C8orf34: variants seen among roughly 807,000 people sequenced by gnomAD.
The protein encoded by C8orf34 is uncharacterized protein C8orf34.
A neutral mutation model predicts 68.3 loss-of-function variants in C8orf34; 65 were observed. That is an observed-to-expected ratio of 0.95 (90% CI 0.78 to 1.17). The LOEUF is 1.17. Ranked by LOEUF, C8orf34 falls within the 50% of genes most tolerant of loss-of-function variation. The pLI is 0.00. For missense variants in C8orf34, 664 were observed against 655.4 expected, an observed-to-expected ratio of 1.01 and a Z score of -0.14; for synonymous variants, 244 against 241.2, an observed-to-expected ratio of 1.01 and a Z score of -0.11.
chr8:68,804,897 C>T (rs1288413038), intron 12 of C8orf34, among the ~76,000 whole-genome samples: 1 of 152,152 alleles, frequency 6.6e-6, no homozygotes, highest in Non-Finnish European at 1.5e-5. Flanking sequence ...CTCTTCCATT[C>T]CTTCCTTCTT....
chr8:68,420,351 T>C (rs1809908263), intron 1 of C8orf34, among the ~76,000 whole-genome samples: 2 of 152,144 alleles, frequency 1.3e-5, no homozygotes, highest in Non-Finnish European at 2.9e-5. Context: ...TATATTTGGG[T>C]CATCTGGAAT....
At chr8:68,625,565 A>G in intron 7 of C8orf34, 1 of 699,336 alleles carries the variant, frequency 1.4e-6, no homozygotes. Flanking sequence ...AATTCCAAGA[A>G]AGCAACACAG....
chr8:68,422,547 C>T (rs866978972), intron 1 of C8orf34, among the ~76,000 whole-genome samples: 4 of 152,214 alleles, frequency 2.6e-5, no homozygotes, highest in Non-Finnish European at 4.4e-5. Flanking sequence ...CAGCCCACCT[C>T]CCAGCTGCTT....
intron 8 of C8orf34, among the ~76,000 whole-genome samples, chr8:68,704,492 G>C (rs567744927): frequency 2.6e-5 from 4 of 152,258 alleles, no homozygotes; most frequent in Non-Finnish European, 5.9e-5. Context: ...TAGGGATTAT[G>C]CAATATAGAG....
intron 8 of C8orf34, among the ~76,000 whole-genome samples, chr8:68,674,434 A>C (rs1820115788): frequency 6.6e-6 from 1 of 152,178 alleles, no homozygotes; most frequent in Middle Eastern, 3.2e-3. Context: ...AACCCTATCA[A>C]ATAAATTTAA....
intron 10 of C8orf34, among the ~76,000 whole-genome samples, chr8:68,762,177 T>C (rs1335041044): frequency 6.6e-6 from 1 of 152,206 alleles, no homozygotes; most frequent in African/African-American, 2.4e-5. Context: ...GGGCCTTGAT[T>C]AGCTCGATTT....
At chr8:68,407,155 A>G (rs1563412334) in intron 1 of C8orf34, among the ~76,000 whole-genome samples, 1 of 151,792 alleles carries the variant, frequency 6.6e-6, no homozygotes, top group African/African-American at 2.4e-5. Context: ...CTATATTACA[A>G]TTTTTTTTCT....
intron 8 of C8orf34, among the ~76,000 whole-genome samples, chr8:68,699,009 G>A (rs13262989): frequency 0.2 from 29,906 of 151,836 alleles, 3,379 homozygotes; most frequent in East Asian, 0.54. Context: ...TAGGCACCAC[G>A]GAAGGCAATA....
intron 8 of C8orf34, among the ~76,000 whole-genome samples, chr8:68,668,887 G>A (rs1247339116): frequency 6.6e-6 from 1 of 152,108 alleles, no homozygotes; most frequent in Non-Finnish European, 1.5e-5. Flanking sequence ...GTCCTTAGGA[G>A]GAACTGGATT....
At chr8:68,530,223 G>T (rs1473815644) in intron 6 of C8orf34, among the ~76,000 whole-genome samples, 1 of 151,920 alleles carries the variant, frequency 6.6e-6, no homozygotes, top group Non-Finnish European at 1.5e-5. Context: ...CCAACCACTG[G>T]ATTATTAAAT....
intron 7 of C8orf34, among the ~76,000 whole-genome samples, chr8:68,613,099 G>C (rs556341444): frequency 6.6e-6 from 1 of 152,112 alleles, no homozygotes; most frequent in African/African-American, 2.4e-5. Context: ...TTTTCTTCTA[G>C]AAAGATGCAG....
At chr8:68,620,011 G>T (rs1204356805) in intron 7 of C8orf34, among the ~76,000 whole-genome samples, 1 of 152,186 alleles carries the variant, frequency 6.6e-6, no homozygotes, top group Non-Finnish European at 1.5e-5. Flanking sequence ...GAAGGTGACA[G>T]AATCTTTACT....
intron 8 of C8orf34, among the ~76,000 whole-genome samples, chr8:68,675,301 T>C (rs991328718): frequency 6.6e-6 from 1 of 152,136 alleles, no homozygotes; most frequent in Non-Finnish European, 1.5e-5. Flanking sequence ...GTTTGTAAAC[T>C]ATTCATATCT....
intron 12 of C8orf34, among the ~76,000 whole-genome samples, chr8:68,808,293 G>A (rs1230651290): frequency 2.0e-5 from 3 of 152,086 alleles, no homozygotes; most frequent in Non-Finnish European, 1.5e-5. Flanking sequence ...CTCTAATATA[G>A]TTCAATAAAT....
At chr8:68,605,561 T>G (rs555956618) in intron 7 of C8orf34, among the ~76,000 whole-genome samples, 1 of 151,984 alleles carries the variant, frequency 6.6e-6, no homozygotes, top group African/African-American at 2.4e-5. Context: ...CCTGAAAAGA[T>G]GAGAGGCAGC....
chr8:68,562,099 T>C (rs1354357002), intron 7 of C8orf34, among the ~76,000 whole-genome samples: 1 of 152,238 alleles, frequency 6.6e-6, no homozygotes, highest in Non-Finnish European at 1.5e-5. Flanking sequence ...CATGACTGTA[T>C]GTGCTAAACT....
intron 8 of C8orf34, among the ~76,000 whole-genome samples, chr8:68,650,786 G>T (rs1041869332): frequency 1.3e-5 from 2 of 152,074 alleles, no homozygotes; most frequent in Non-Finnish European, 2.9e-5. Flanking sequence ...GCCCACCCTA[G>T]TCTTTTATTA....
intron 9 of C8orf34, 125 bp downstream of exon 9, chr8:68,709,204 A>G (rs909678612): frequency 7.1e-6 from 5 of 702,318 alleles, no homozygotes; most frequent in African/African-American, 5.4e-5. Flanking sequence ...CACGTCACAT[A>G]TCTACCGCTG....
chr8:68,397,782 T>C (rs1201571996), intron 1 of C8orf34, among the ~76,000 whole-genome samples: 1 of 152,170 alleles, frequency 6.6e-6, no homozygotes, highest in Non-Finnish European at 1.5e-5. Flanking sequence ...TAATTTTTAT[T>C]TTTTGAGACA....
Sources: gnomAD v4.1 joint callset for allele counts (sites outside exome capture counted in the v4.1 genomes callset) on GRCh38, gnomAD v4.1.1 for gene constraint, MANE v1.5 for transcripts, NCBI Gene and HGNC (gene_info 2026-07-23, HGNC 2026-07-21) for gene names.